Variants in GBE1 observed in about 807,000 individuals in gnomAD.
The protein encoded by GBE1 is 1,4-alpha-glucan-branching enzyme.
In GBE1, 70 loss-of-function variants were observed where a neutral mutation model predicts 88.8. The observed-to-expected ratio is 0.79, with a 90% CI of 0.65 to 0.96. The LOEUF (loss-of-function observed/expected upper bound fraction) is 0.96. GBE1 is among the 40% of genes least tolerant of loss of function. The pLI is 0.00. For synonymous variants in GBE1, 284 were observed against 300.1 expected, an observed-to-expected ratio of 0.95 and a Z score of 0.56; for missense variants, 872 against 871.0, an observed-to-expected ratio of 1.00 and a Z score of -0.01.
At chr3:81,544,147 G>T (rs1327238777) in intron 12 of GBE1, among the ~76,000 whole-genome samples, 2 of 152,122 alleles carry the variant, frequency 1.3e-5, no homozygotes, top group African/African-American at 2.4e-5. Context: ...TGGGTCACAA[G>T]TAAGGGCTTT....
chr3:81,560,429 AT>A (rs921794343), intron 12 of GBE1, among the ~76,000 whole-genome samples: 1 of 152,026 alleles, frequency 6.6e-6, no homozygotes, highest in Non-Finnish European at 1.5e-5. Context: ...AGGAAAGACT[AT>A]AAAAATGACT....
At chr3:81,566,957 T>C (rs1003606647) in intron 12 of GBE1, among the ~76,000 whole-genome samples, 3 of 152,194 alleles carry the variant, frequency 2.0e-5, no homozygotes, top group Non-Finnish European at 4.4e-5. Context: ...TTATATTTCA[T>C]AAGAAAACAA....
In GBE1 at chr3:81,761,601, GCTAGGGCGGAGCCGGAGGGCGC is replaced by G. The variant is rs770555234; in HGVS notation, c.-106_-85del. On this transcript the variant is annotated 5_prime_UTR_variant, in exon 1 of 16. Transcript: ENST00000429644. ...CTGGAGCTCTAGCTGGGACGCGGCG[GCTAGGGCGGAGCCGGAGGGCGC>G]CTAGGCGTGTCGAGGCAAGCCGAGG... 2.6e-5 allele frequency: 39 copies of G among 1,496,046 alleles called. No individual in the cohort carries two copies. In the East Asian group the frequency reaches 9.1e-4, roughly 35 times the overall value. The allele number at this position is 1,496,046 out of a possible 1,614,324, so 92.7% of individuals were successfully genotyped here. A position where few individuals can be genotyped will look rare whatever the true frequency, so the allele number is the denominator to read the frequency against.
At chr3:81,681,398 A>G (rs1379743988) in intron 2 of GBE1, among the ~76,000 whole-genome samples, 3 of 152,128 alleles carry the variant, frequency 2.0e-5, no homozygotes, top group Non-Finnish European at 4.4e-5. Context: ...TGGTTTCAGC[A>G]TGTATTTGAG....
intron 1 of GBE1, among the ~76,000 whole-genome samples, chr3:81,757,897 T>C (rs911949840): frequency 6.6e-6 from 1 of 151,962 alleles, no homozygotes; most frequent in Non-Finnish European, 1.5e-5. Context: ...AAATATACAA[T>C]AGAAATACAT....
At chr3:81,634,245 T>C (rs1189459784) in intron 7 of GBE1, among the ~76,000 whole-genome samples, 1 of 152,210 alleles carries the variant, frequency 6.6e-6, no homozygotes, top group Non-Finnish European at 1.5e-5. Context: ...ACATTTTCAA[T>C]CGTATTATTT....
chr3:81,526,010 G>GT (rs1374544761), intron 14 of GBE1, among the ~76,000 whole-genome samples: 5 of 151,946 alleles, frequency 3.3e-5, no homozygotes, highest in African/African-American at 1.2e-4. Flanking sequence ...TTTTTGAAGG[G>GT]TTTTTTATGT....
chr3:81,499,980 A>G (rs1327329864), intron 14 of GBE1, among the ~76,000 whole-genome samples: 1 of 152,174 alleles, frequency 6.6e-6, no homozygotes, highest in East Asian at 1.9e-4. Flanking sequence ...AGATAATTTA[A>G]GTGCTTTTTG....
chr3:81,528,006 A>G (rs565810313), intron 14 of GBE1, among the ~76,000 whole-genome samples: 4 of 152,150 alleles, frequency 2.6e-5, no homozygotes, highest in African/African-American at 7.2e-5. Context: ...AGAAAATGTG[A>G]CACATAAGCA....
At chr3:81,543,411 T>C (rs1056417933) in intron 12 of GBE1, among the ~76,000 whole-genome samples, 8 of 152,106 alleles carry the variant, frequency 5.3e-5, no homozygotes, top group African/African-American at 1.9e-4. Flanking sequence ...ACATTAAATT[T>C]CATATTTGGT....
At chr3:81,671,123 CTTAAT>C (rs1705183350) in intron 2 of GBE1, 170 bp from the exon 3 acceptor site, 3 of 404,096 alleles carry the variant, frequency 7.4e-6, no homozygotes, top group Non-Finnish European at 1.3e-5. Context: ...GCAGGTTATT[CTTAAT>C]TTATTTATAA....
At chr3:81,726,986 C>A (rs1706121860) in intron 1 of GBE1, among the ~76,000 whole-genome samples, 1 of 152,128 alleles carries the variant, frequency 6.6e-6, no homozygotes, top group Non-Finnish European at 1.5e-5. Flanking sequence ...GTCATGGTGA[C>A]TTATTCAAAG....
intron 1 of GBE1, among the ~76,000 whole-genome samples, chr3:81,714,772 C>T (rs893003090): frequency 4.6e-5 from 7 of 152,130 alleles, no homozygotes; most frequent in African/African-American, 1.4e-4. Flanking sequence ...CTAGAGGCTG[C>T]GAAGTCCAAG....
Position 81,591,017 on chromosome 3 carries a change from A to C in GBE1, c.1236+20T>G. On this transcript the variant is annotated intron_variant, in intron 9 of 15. Transcript: ENST00000429644. ...CTCTATTAAAGGGGGTCAGAAGGTAAGACTTCACTATGGCTTTACCTCAGC... is the reference window on the plus strand; with the variant it reads ...CTCTATTAAAGGGGGTCAGAAGGTACGACTTCACTATGGCTTTACCTCAGC... The C allele has an allele frequency of 6.3e-7, 1 of 1,598,740 alleles. No homozygotes were observed. The highest frequency in any genetic ancestry group is 8.5e-7 in the Non-Finnish European group (1 of 1,171,574).
intron 7 of GBE1, among the ~76,000 whole-genome samples, chr3:81,628,814 T>A (rs1704459448): frequency 7.1e-6 from 1 of 140,798 alleles, no homozygotes; most frequent in South Asian, 2.3e-4. Context: ...ATTATTTATT[T>A]CATCTTAATC....
At chr3:81,727,255 T>A (rs1706126185) in intron 1 of GBE1, among the ~76,000 whole-genome samples, 1 of 152,184 alleles carries the variant, frequency 6.6e-6, no homozygotes, top group African/African-American at 2.4e-5. Context: ...TTTGTAAAAC[T>A]TCCTAAAAGG....
intron 3 of GBE1, among the ~76,000 whole-genome samples, chr3:81,659,384 G>A (rs1704990975): frequency 6.6e-6 from 1 of 150,856 alleles, no homozygotes; most frequent in Admixed American, 6.6e-5. Flanking sequence ...CACCCAGGCT[G>A]GAGTGCAGTG....
intron 12 of GBE1, among the ~76,000 whole-genome samples, chr3:81,538,486 T>C (rs1703103413): frequency 6.6e-6 from 1 of 151,980 alleles, no homozygotes; most frequent in African/African-American, 2.4e-5. Flanking sequence ...TATGATGTTG[T>C]CCACAGTGTG....
At chr3:81,740,603 T>C (rs1461073018) in intron 1 of GBE1, among the ~76,000 whole-genome samples, 1 of 152,056 alleles carries the variant, frequency 6.6e-6, no homozygotes, top group Non-Finnish European at 1.5e-5. Context: ...AGGCCCAGAA[T>C]TGAAAATGAG....
Sources: allele counts gnomAD v4.1 joint callset (sites outside exome capture counted in the v4.1 genomes callset), GRCh38; gene constraint gnomAD v4.1.1; transcripts MANE v1.5; gene names NCBI Gene and HGNC (gene_info 2026-07-23, HGNC 2026-07-21).